The following PCDH9 variants were observed in gnomAD, a reference collection of about 807,000 sequenced individuals.
PCDH9 encodes the protein protocadherin 9.
PCDH9 carries 24 observed loss-of-function variants against 70.6 expected under a neutral mutation model. The ratio of observed to expected loss-of-function variants is 0.34; its 90% CI spans 0.25 to 0.48. The LOEUF (loss-of-function observed/expected upper bound fraction) is 0.48. Among genes scored for constraint, PCDH9 ranks in the 20% least tolerant of loss-of-function variants. PCDH9 has a pLI of 0.99. For missense variants in PCDH9, 1,281 were observed against 1,503.6 expected (o/e 0.85, Z 2.45); for synonymous variants, 562 against 558.5 (o/e 1.01, Z -0.09).
chr13:66,410,607 T>C (rs1414911412), intron 4 of PCDH9, among the ~76,000 whole-genome samples: 1 of 152,200 alleles, frequency 6.6e-6, no homozygotes, highest in Non-Finnish European at 1.5e-5. Context: ...TACCTAAATC[T>C]CTTGCTGAGC....
At position 67,226,452 on chromosome 13, in the gene PCDH9, G is replaced by T. The variant is rs770284185; in HGVS notation, c.1989C>A (p.Ile663=). 3.5e-5 allele frequency: 57 copies of T among 1,613,818 alleles called. No individual in the cohort carries two copies. In the South Asian group the frequency reaches 6.3e-4, roughly 18 times the overall value. The change falls in exon 2 of 5, where the codon ATC becomes ATA. Residue 663 remains isoleucine (I), a synonymous_variant. Transcript: ENST00000377865. This position sits in a 1 kb window ranked among gnomAD's most constrained non-coding sequence, Gnocchi z 5.0. ...PPRSSTAKVT[I]NVMDVNDNSP... ...TGTTGTCATTGACATCCATGACGTT[G>T]ATAGTTACTTTTGCAGTAGAGGAAC...
intron 3 of PCDH9, among the ~76,000 whole-genome samples, chr13:66,792,805 C>T (rs932151364): frequency 6.6e-6 from 1 of 152,106 alleles, no homozygotes; most frequent in Non-Finnish European, 1.5e-5. Flanking sequence ...AATATATGTA[C>T]ACACTCATAC....
intron 4 of PCDH9, among the ~76,000 whole-genome samples, chr13:66,352,489 C>T (rs1039793165): frequency 1.3e-5 from 2 of 152,098 alleles, no homozygotes; most frequent in Admixed American, 1.3e-4. Flanking sequence ...TCTTAAGCCT[C>T]CTCTCATGGC....
chr13:67,126,870 G>T (rs1489316395), intron 2 of PCDH9, among the ~76,000 whole-genome samples: 1 of 152,062 alleles, frequency 6.6e-6, no homozygotes, highest in South Asian at 2.1e-4. Flanking sequence ...AAATAAAATA[G>T]GGATGTCTAT....
At chr13:66,842,561 T>C (rs79307408) in intron 3 of PCDH9, among the ~76,000 whole-genome samples, 83 of 152,312 alleles carry the variant, frequency 5.4e-4, no homozygotes, top group Admixed American at 1.0e-3. Flanking sequence ...ATTTTCCTCA[T>C]ATTATAGAAA....
chr13:66,441,672 C>T (rs1176506382), intron 4 of PCDH9, among the ~76,000 whole-genome samples: 2 of 151,822 alleles, frequency 1.3e-5, no homozygotes, highest in African/African-American at 4.8e-5. Context: ...ACAAAAACTA[C>T]CATTAAGCTG....
At chr13:67,009,971 A>G (rs1594386865) in intron 2 of PCDH9, among the ~76,000 whole-genome samples, 1 of 152,130 alleles carries the variant, frequency 6.6e-6, no homozygotes, top group East Asian at 1.9e-4. Context: ...GTCCAAATAT[A>G]AAATCCTTTT....
At chr13:66,531,488 A>G (rs1005656542) in intron 4 of PCDH9, among the ~76,000 whole-genome samples, 1 of 152,128 alleles carries the variant, frequency 6.6e-6, no homozygotes, top group Admixed American at 6.6e-5. Flanking sequence ...GTATGTTACG[A>G]AAGTCTCAAG....
At chr13:67,175,587 T>A (rs1001534945) in intron 2 of PCDH9, among the ~76,000 whole-genome samples, 1 of 152,198 alleles carries the variant, frequency 6.6e-6, no homozygotes, top group African/African-American at 2.4e-5. Context: ...TTGCTTACTG[T>A]ACTACCCATA....
At chr13:66,841,211 G>A (rs2139429643) in intron 3 of PCDH9, among the ~76,000 whole-genome samples, 1 of 152,256 alleles carries the variant, frequency 6.6e-6, no homozygotes, top group East Asian at 1.9e-4. Context: ...ATGACGATGA[G>A]TTTTACAACA....
At chr13:67,048,080 G>A (rs1019192152) in intron 2 of PCDH9, among the ~76,000 whole-genome samples, 15 of 152,054 alleles carry the variant, frequency 9.9e-5, no homozygotes, top group African/African-American at 3.4e-4. Context: ...CCTGACCATC[G>A]ACCTCAAAAA....
At chr13:67,165,607 GTATC>G (rs2088090922) in intron 2 of PCDH9, among the ~76,000 whole-genome samples, 2 of 151,408 alleles carry the variant, frequency 1.3e-5, no homozygotes, top group Non-Finnish European at 2.9e-5. Flanking sequence ...TATCTTTTAT[GTATC>G]TATCTATCTA....
intron 2 of PCDH9, among the ~76,000 whole-genome samples, chr13:66,915,982 T>C (rs1314501714): frequency 1.3e-5 from 2 of 151,622 alleles, no homozygotes; most frequent in East Asian, 3.9e-4. Context: ...CAATATCTGG[T>C]AGACTCATGG....
chr13:66,322,958 G>A (rs866570437), intron 4 of PCDH9, among the ~76,000 whole-genome samples: 1 of 151,936 alleles, frequency 6.6e-6, no homozygotes, highest in Non-Finnish European at 1.5e-5. Context: ...TTCTTTCACT[G>A]TGAACTGTGA....
intron 3 of PCDH9, among the ~76,000 whole-genome samples, chr13:66,759,768 G>A (rs1308442658): frequency 5.7e-5 from 4 of 70,250 alleles, no homozygotes; most frequent in African/African-American, 1.9e-4. Context: ...AATTTTTGAT[G>A]TTATACTTTA....
intron 2 of PCDH9, among the ~76,000 whole-genome samples, chr13:67,144,367 T>C (rs1303831870): frequency 6.6e-6 from 1 of 152,198 alleles, no homozygotes; most frequent in Non-Finnish European, 1.5e-5. Context: ...ATAGTGATCA[T>C]GTAAGAAGAG....
In PCDH9 at chr13:66,737,804, G is replaced by A. The variant is rs368246482; in HGVS notation, c.3139-106393C>T. Among the ~76,000 whole-genome samples, 23 of 152,232 alleles carry A rather than the reference G, an allele frequency of 1.5e-4. No individual in the cohort carries two copies. The East Asian group carries it at 3.1e-3, about 21-fold the overall frequency. Reference sequence around the variant, plus strand: ...TTTTCAGACCGGCTTAGAAAATGGCGCACCACGAGACTATATCCCACACCT... The same window carrying A: ...TTTTCAGACCGGCTTAGAAAATGGCACACCACGAGACTATATCCCACACCT... On this transcript the variant is annotated intron_variant, in intron 3 of 4. Transcript: ENST00000377865.
At chr13:66,634,578 CCTTG>C (rs1566471472) in intron 3 of PCDH9, among the ~76,000 whole-genome samples, 1 of 152,050 alleles carries the variant, frequency 6.6e-6, no homozygotes, top group East Asian at 1.9e-4. Context: ...GAAAATAATA[CCTTG>C]CCTGTGGAAG....
At chr13:66,786,083 C>G (rs2080075320) in intron 3 of PCDH9, among the ~76,000 whole-genome samples, 1 of 152,098 alleles carries the variant, frequency 6.6e-6, no homozygotes, top group African/African-American at 2.4e-5. Context: ...CATACTCATA[C>G]TGTTCTGATA....
Sources: gnomAD v4.1 joint callset for allele counts (sites outside exome capture counted in the v4.1 genomes callset) on GRCh38, gnomAD v4.1.1 for gene constraint, Gnocchi (gnomAD v3.1) non-coding constraint, MANE v1.5 for transcripts, NCBI Gene and HGNC (gene_info 2026-07-23, HGNC 2026-07-21) for gene names.